FSIP2: variants seen among roughly 807,000 people sequenced by gnomAD.
FSIP2 encodes fibrous sheath-interacting protein 2.
Under a neutral mutation model 510.5 loss-of-function variants are expected in FSIP2, and 367 were observed. That is an observed-to-expected ratio of 0.72 (90% CI 0.66 to 0.78). The LOEUF (loss-of-function observed/expected upper bound fraction) is 0.78. Among genes scored for constraint, FSIP2 ranks in the 30% least tolerant of loss-of-function variants. The pLI is 0.00. For missense variants in FSIP2, 7,594 were observed against 7,901.7 expected (o/e 0.96, Z 1.48); for synonymous variants, 2,601 against 2,732.2 (o/e 0.95, Z 1.50).
chr2:185,794,388 A>G lies in FSIP2; in HGVS notation c.7252A>G (p.Asn2418Asp). Residue 2418 changes from asparagine to aspartate, a missense_variant, in exon 16 of 23, where the codon AAC becomes GAC. Coordinates refer to ENST00000424728, the MANE Select transcript of FSIP2 (RefSeq NM_173651.4). Reference protein sequence around the residue: ...EICFNSKENSNFSQLALSNEI... With the variant: ...EICFNSKENSDFSQLALSNEI... ...TTGTTTTAATTCAAAAGAAAATTCT[A>G]ACTTTTCACAATTAGCTTTATCAAA... 6.6e-7 allele frequency: 1 copy of G among 1,519,166 alleles called. No individual in the cohort carries two copies. Among genetic ancestry groups the G allele is most frequent in the South Asian group, 1.2e-5 (1 of 80,388 alleles). 94.1% of individuals were successfully genotyped at this position (1,519,166 alleles called of 1,614,324 possible).
In FSIP2 at chr2:185,804,276, T is replaced by A; in HGVS notation, c.14970T>A (p.Asn4990Lys). Residue 4990 changes from asparagine (N) to lysine (K), a missense_variant, in exon 17 of 23, where the codon AAT becomes AAA. Physicochemically the swap from Asn to Lys is moderately conservative, Grantham distance 94 (BLOSUM62 0). Transcript: ENST00000424728. ...KLTRIVTTLV[N>K]SIVLEFTTSE... ...CCAGGATTGTTACAACATTGGTAAATTCAATTGTTCTGGAGTTCACCACAT... is the reference window on the plus strand; with the variant it reads ...CCAGGATTGTTACAACATTGGTAAAATCAATTGTTCTGGAGTTCACCACAT... 6.5e-7 allele frequency: 1 copy of A among 1,528,470 alleles called. No homozygotes were observed. The allele number at this position is 1,528,470 out of a possible 1,614,324, so 94.7% of individuals were successfully genotyped here.
Position 185,805,643 on chromosome 2 carries a change from A to G in FSIP2, c.16337A>G (p.Tyr5446Cys), listed in dbSNP as rs762513584. ...ENQLSLPDQS[Y>C]KDTSSTPDCK... ...CAACTTTCTTTACCAGATCAATCATATAAAGATACTTCTTCCACCCCAGAT... is the reference window on the plus strand; with the variant it reads ...CAACTTTCTTTACCAGATCAATCATGTAAAGATACTTCTTCCACCCCAGAT... Residue 5446 changes from tyrosine to cysteine, a missense_variant, in exon 17 of 23, where the codon TAT (tyrosine) becomes TGT (cysteine). Transcript: ENST00000424728. 1.2e-6 allele frequency: 2 copies of G among 1,610,798 alleles called. No individual in the cohort carries two copies. Among genetic ancestry groups the G allele is most frequent in the East Asian group, 2.2e-5 (1 of 44,772 alleles).
intron 9 of FSIP2, 63 bp from the exon 10 acceptor site, chr2:185,760,922 ATTG>A: frequency 4.3e-6 from 1 of 235,186 alleles, no homozygotes; most frequent in Non-Finnish European, 7.5e-6. Context: ...TTGTACTTTG[ATTG>A]TACTTTCCTA....
rs777476685 is a variant in FSIP2, at chr2:185,802,910, A to T, written c.13604A>T (p.Tyr4535Phe). 4.5e-5 allele frequency: 68 copies of T among 1,500,554 alleles called. No individual in the cohort carries two copies. The highest frequency in any genetic ancestry group is 3.4e-4 in the Middle Eastern group (2 of 5,800). 93.0% of individuals were successfully genotyped at this position (1,500,554 alleles called of 1,614,324 possible). Reference protein sequence around the residue: ...SKEEEETKFIYSEDDIQHLVD... With the variant: ...SKEEEETKFIFSEDDIQHLVD... Reference sequence around the variant, plus strand: ...GAGGAAGAAGAAACCAAGTTTATTTATTCAGAAGATGATATTCAGCACCTT... The same window carrying T: ...GAGGAAGAAGAAACCAAGTTTATTTTTTCAGAAGATGATATTCAGCACCTT... The change falls in exon 17 of 23, where the codon TAT becomes TTT. Residue 4535 changes from tyrosine (Y) to phenylalanine (F), a missense_variant. Coordinates refer to ENST00000424728, the MANE Select transcript of FSIP2 (RefSeq NM_173651.4).
intron 13 of FSIP2, among the ~76,000 whole-genome samples, chr2:185,769,549 TA>T (rs1476995898): frequency 6.6e-6 from 1 of 152,166 alleles, no homozygotes; most frequent in East Asian, 1.9e-4. Flanking sequence ...AGTTTGCAAA[TA>T]TTTTTTCCCA....
chr2:185,828,450 G>A (rs1231763141), intron 21 of FSIP2, among the ~76,000 whole-genome samples: 2 of 151,734 alleles, frequency 1.3e-5, no homozygotes, highest in Non-Finnish European at 1.5e-5. Flanking sequence ...TAATATACTC[G>A]TTCTCCCTAG....
rs1693474100 is a variant in FSIP2 at position 185,802,936 on chromosome 2, G to A, written c.13630G>A (p.Val4544Ile). The change falls in exon 17 of 23, where the codon GTT becomes ATT. Residue 4544 changes from valine (V) to isoleucine (I), a missense_variant. Coordinates refer to ENST00000424728, the MANE Select transcript of FSIP2 (RefSeq NM_173651.4). ...TTCAGAAGATGATATTCAGCACCTT[G>A]TTGATTCAGTATTTGCAAATGTTGT... ...IYSEDDIQHL[V>I]DSVFANVVQT... is the part of the protein sequence containing the mutation. 1 of 1,515,330 alleles carries A rather than the reference G, an allele frequency of 6.6e-7. No individual in the cohort carries two copies. The highest frequency in any genetic ancestry group is 8.8e-7 in the Non-Finnish European group (1 of 1,139,416). The allele number at this position is 1,515,330 out of a possible 1,614,324, so 93.9% of individuals were successfully genotyped here.
rs1693097483 is a variant in FSIP2 at position 185,790,563 on chromosome 2, G to A, written c.3427G>A (p.Glu1143Lys). 6.5e-7 allele frequency: 1 copy of A among 1,533,622 alleles called. No homozygotes were observed. The highest frequency in any genetic ancestry group is 8.7e-7 in the Non-Finnish European group (1 of 1,145,504). The change falls in exon 16 of 23, where the codon GAA becomes AAA. Residue 1143 changes from glutamate to lysine, a missense_variant. Physicochemically the swap from Glu to Lys is moderately conservative, Grantham distance 56. Transcript: ENST00000424728. Reference protein sequence around the residue: ...TGSEASVLVSEKPQGLSHQEW... With the variant: ...TGSEASVLVSKKPQGLSHQEW... The stretch of plus-strand genomic sequence containing the variant: ...CAGTGAAGCTTCAGTTCTTGTTTCA[G>A]AAAAGCCTCAAGGACTGTCACATCA...
At chr2:185,815,087 A>G (rs1285476783) in intron 18 of FSIP2, among the ~76,000 whole-genome samples, 1 of 152,056 alleles carries the variant, frequency 6.6e-6, no homozygotes, top group Non-Finnish European at 1.5e-5. Flanking sequence ...AAATATTTTT[A>G]AAGTTTAGAA....
Position 185,832,768 on chromosome 2 carries a change from T to C in FSIP2, c.20588-322T>C, listed in dbSNP as rs16827225. On this transcript the variant is annotated intron_variant, in intron 22 of 22. Transcript: ENST00000424728. Reference sequence around the variant, plus strand: ...AAAATTTACTCAAAGTAGGTGAGAATTTATACTATTTTTTAATGTACTTCT... The same window carrying C: ...AAAATTTACTCAAAGTAGGTGAGAACTTATACTATTTTTTAATGTACTTCT... 2.0e-5 allele frequency among the ~76,000 whole-genome samples: 3 copies of C among 151,812 alleles called. No homozygotes were observed. The East Asian group carries it at 5.8e-4, about 30-fold the overall frequency.
chr2:185,780,832 A>AG (rs1378023984), intron 13 of FSIP2, among the ~76,000 whole-genome samples: 1 of 152,190 alleles, frequency 6.6e-6, no homozygotes, highest in African/African-American at 2.4e-5. Context: ...AAATTTACAT[A>AG]CGCTGCTGCC....
At position 185,791,938 on chromosome 2, in the gene FSIP2, T is replaced by C; in HGVS notation, c.4802T>C (p.Leu1601Ser). ...AKLEGFANGH[L>S]EILGAINDGN... ...CTGGAAGGGTTTGCCAACGGACATT[T>C]AGAAATTTTGGGTGCTATTAATGAT... Residue 1601 changes from leucine (L) to serine (S), a missense_variant, in exon 16 of 23, where the codon TTA becomes TCA. By Grantham distance (145) the Leu-to-Ser change is moderately radical. Transcript: ENST00000424728. The C allele has an allele frequency of 6.5e-7, 1 of 1,533,972 alleles. No homozygotes were observed. The highest frequency in any genetic ancestry group is 8.7e-7 in the Non-Finnish European group (1 of 1,145,392).
At chr2:185,744,271 A>C in intron 3 of FSIP2, 51 bp from the exon 4 acceptor site, 2 of 345,972 alleles carry the variant, frequency 5.8e-6, no homozygotes, top group Non-Finnish European at 9.9e-6. Flanking sequence ...ATATAATATT[A>C]ACATATCAAA....
At chr2:185,812,390 A>G (rs946699526) in intron 17 of FSIP2, among the ~76,000 whole-genome samples, 3 of 152,084 alleles carry the variant, frequency 2.0e-5, no homozygotes, top group African/African-American at 7.2e-5. Flanking sequence ...TGTTTGCCCA[A>G]TGCCTGTACC....
In FSIP2 at chr2:185,791,403, C is replaced by T. The variant is rs200092968; in HGVS notation, c.4267C>T (p.His1423Tyr). The change falls in exon 16 of 23, where the codon CAT becomes TAT. Residue 1423 changes from histidine (H) to tyrosine (Y), a missense_variant. By Grantham distance (83) the His-to-Tyr change is moderately conservative. Coordinates refer to ENST00000424728, the MANE Select transcript of FSIP2 (RefSeq NM_173651.4). Reference protein sequence around the residue: ...CTHHSVNGGNHIKENAKLQVL... With the variant: ...CTHHSVNGGNYIKENAKLQVL... The stretch of plus-strand genomic sequence containing the variant: ...TCACCACAGTGTCAATGGTGGAAAC[C>T]ATATTAAAGAGAATGCAAAATTGCA... The T allele has an allele frequency of 6.9e-4, 1,065 of 1,533,988 alleles. 2 individuals carry two copies. Among genetic ancestry groups the T allele is most frequent in the Non-Finnish European group, 8.1e-4 (931 of 1,145,540 alleles).
intron 19 of FSIP2, 54 bp downstream of exon 19, chr2:185,815,525 G>A: frequency 1.2e-6 from 1 of 839,410 alleles, no homozygotes; most frequent in Non-Finnish European, 1.9e-6. Flanking sequence ...TAGAGCTTAT[G>A]AGTAGAATGG....
At chr2:185,822,227 A>G (rs1415319274) in intron 19 of FSIP2, among the ~76,000 whole-genome samples, 1 of 151,968 alleles carries the variant, frequency 6.6e-6, no homozygotes, top group Non-Finnish European at 1.5e-5. Flanking sequence ...AGTCAGAAAA[A>G]TTAGGCAAGA....
In FSIP2 at chr2:185,786,201, T is replaced by C. The variant is rs1574177796; in HGVS notation, c.1470-51T>C. 20 of 1,222,454 alleles carry C rather than the reference T, an allele frequency of 1.6e-5. No individual in the cohort carries two copies. The East Asian group carries it at 5.1e-4, about 31-fold the overall frequency. The allele number at this position is 1,222,454 out of a possible 1,614,324, so 75.7% of individuals were successfully genotyped here. ...TAATTAGAAATTTTGGGAAAAGTTT[T>C]ATAAATTTTTGACTCTATGTAATAA... On this transcript the variant is annotated intron_variant, in intron 14 of 22. Transcript: ENST00000424728.
In FSIP2 at chr2:185,812,749, T is replaced by A. The variant is rs192833329; in HGVS notation, c.19828-796T>A. Among the ~76,000 whole-genome samples, 70 of 152,224 alleles carry A rather than the reference T, an allele frequency of 4.6e-4. 1 individual carries two copies. The highest frequency in any genetic ancestry group is 1.7e-3 in the African/African-American group (69 of 41,570). On this transcript the variant is annotated intron_variant, in intron 17 of 22. Coordinates refer to ENST00000424728, the MANE Select transcript of FSIP2 (RefSeq NM_173651.4). The stretch of plus-strand genomic sequence containing the variant: ...AGCACAGATAATCAAAATTTATTTT[T>A]AAAAAATTTTAAAGAGGTTCTTCTG...
Sources: allele counts gnomAD v4.1 joint callset (sites outside exome capture counted in the v4.1 genomes callset), GRCh38; gene constraint gnomAD v4.1.1; transcripts MANE v1.5; gene names NCBI Gene and HGNC (gene_info 2026-07-23, HGNC 2026-07-21).